ZNF148: variants seen among roughly 807,000 people sequenced by gnomAD.
ZNF148 encodes Beta-Enolase Repressor Factor-1.
In ZNF148, 7 loss-of-function variants were observed where a neutral mutation model predicts 67.7. The ratio of observed to expected loss-of-function variants is 0.10; its 90% CI spans 0.06 to 0.19. ZNF148 has a LOEUF of 0.19. Among genes scored for constraint, ZNF148 ranks in the 10% least tolerant of loss-of-function variants. The pLI, the probability that ZNF148 is intolerant of heterozygous loss-of-function variation, is 1.00. For synonymous variants in ZNF148, 333 were observed against 330.7 expected, an observed-to-expected ratio of 1.01 and a Z score of -0.08; for missense variants, 583 against 947.1, an observed-to-expected ratio of 0.62 and a Z score of 5.05.
chr3:125,244,926 A>T (rs757605857), intron 7 of ZNF148, among the ~76,000 whole-genome samples: 15 of 152,086 alleles, frequency 9.9e-5, no homozygotes, highest in Non-Finnish European at 1.8e-4. Context: ...GCTCCTTCTC[A>T]GTGGTCTTTC....
At chr3:125,358,782 T>C (rs529726801) in intron 1 of ZNF148, among the ~76,000 whole-genome samples, 1 of 152,312 alleles carries the variant, frequency 6.6e-6, no homozygotes, top group South Asian at 2.1e-4. Context: ...AGTACACATA[T>C]ACAGGGGCCT....
At chr3:125,260,257 T>C (rs1400492786) in intron 7 of ZNF148, among the ~76,000 whole-genome samples, 1 of 151,894 alleles carries the variant, frequency 6.6e-6, no homozygotes, top group Non-Finnish European at 1.5e-5. Context: ...GCTGGAAACA[T>C]GATGCTGACA....
At chr3:125,236,004 A>G (rs1326116681) in intron 7 of ZNF148, among the ~76,000 whole-genome samples, 2 of 151,250 alleles carry the variant, frequency 1.3e-5, no homozygotes, top group East Asian at 1.9e-4. Flanking sequence ...AATGTAAATG[A>G]CGAGTTAATG....
chr3:125,352,944 C>G (rs1230510957), intron 1 of ZNF148, among the ~76,000 whole-genome samples: 6 of 152,018 alleles, frequency 3.9e-5, no homozygotes, highest in African/African-American at 1.4e-4. Flanking sequence ...ATACAGAACC[C>G]CAAAACAGAC....
intron 3 of ZNF148, among the ~76,000 whole-genome samples, chr3:125,318,592 C>T (rs114474857): frequency 6.6e-6 from 1 of 152,174 alleles, no homozygotes; most frequent in Non-Finnish European, 1.5e-5. Context: ...ATAAGCCACT[C>T]TGAGCTCCCT....
intron 1 of ZNF148, among the ~76,000 whole-genome samples, chr3:125,363,643 C>G (rs1439286833): frequency 3.3e-5 from 5 of 151,948 alleles, no homozygotes; most frequent in East Asian, 1.9e-4. Context: ...AACTTATACC[C>G]TCAATACTTC....
At chr3:125,311,365 C>T (rs929836115) in intron 4 of ZNF148, 43 of 152,562 alleles carry the variant, frequency 2.8e-4, no homozygotes, top group Non-Finnish European at 4.1e-4. Flanking sequence ...AAAATTTATG[C>T]TAAGAATAGA....
intron 1 of ZNF148, among the ~76,000 whole-genome samples, chr3:125,338,396 A>T (rs1941581639): frequency 6.6e-6 from 1 of 152,180 alleles, no homozygotes; most frequent in African/African-American, 2.4e-5. Context: ...GGAACCCTAG[A>T]AAAGAATATA....
At chr3:125,362,601 C>T (rs547284309) in intron 1 of ZNF148, among the ~76,000 whole-genome samples, 1 of 151,212 alleles carries the variant, frequency 6.6e-6, no homozygotes, top group African/African-American at 2.4e-5. Context: ...GTCACCCAGG[C>T]TGGAGTGCAG....
At chr3:125,287,765 A>G (rs190383117) in intron 5 of ZNF148, among the ~76,000 whole-genome samples, 3 of 152,344 alleles carry the variant, frequency 2.0e-5, no homozygotes, top group Admixed American at 1.3e-4. Flanking sequence ...CAGGGATCCT[A>G]TATCTTTTCC....
chr3:125,259,396 C>T (rs1215026209), intron 7 of ZNF148, among the ~76,000 whole-genome samples: 3 of 152,148 alleles, frequency 2.0e-5, no homozygotes, highest in Admixed American at 6.5e-5. Context: ...TCATAAGATA[C>T]TGTGGAGATG....
chr3:125,246,023 A>G (rs552608906), intron 7 of ZNF148, among the ~76,000 whole-genome samples: 1 of 152,124 alleles, frequency 6.6e-6, no homozygotes, highest in African/African-American at 2.4e-5. Flanking sequence ...TTCCTAAACT[A>G]CCATGCTTTT....
intron 1 of ZNF148, among the ~76,000 whole-genome samples, chr3:125,372,086 T>C (rs1247190653): frequency 1.3e-5 from 2 of 149,472 alleles, no homozygotes; most frequent in Non-Finnish European, 3.0e-5. Context: ...AAAAAAATAC[T>C]GCAATCTGGT....
rs868269273 is a variant in ZNF148 at position 125,227,882 on chromosome 3, G to A, written c.*4459C>T. The A allele has an allele frequency of 5.4e-4, 82 of 152,562 alleles. No homozygotes were observed. Among genetic ancestry groups the A allele is most frequent in the African/African-American group, 1.1e-3 (46 of 41,524 alleles). 9.5% of individuals were successfully genotyped at this position (152,562 alleles called of 1,614,324 possible). Reference sequence around the variant, plus strand: ...AGGTCATATACATTTATAAATTGGCGGTTTTATTTCTAAAGCAGTGATGTG... The same window carrying A: ...AGGTCATATACATTTATAAATTGGCAGTTTTATTTCTAAAGCAGTGATGTG... On this transcript the variant is annotated 3_prime_UTR_variant, in exon 9 of 9. Transcript: ENST00000360647.
At chr3:125,316,585 T>C (rs1161194080) in intron 3 of ZNF148, among the ~76,000 whole-genome samples, 1 of 152,216 alleles carries the variant, frequency 6.6e-6, no homozygotes, top group Non-Finnish European at 1.5e-5. Context: ...ATCTCCATTT[T>C]TCTGATGATC....
chr3:125,240,521 C>T (rs11915021), intron 7 of ZNF148, among the ~76,000 whole-genome samples: 118,173 of 152,150 alleles, frequency 0.78, 46,499 homozygotes, highest in African/African-American at 0.87. Context: ...CCCAGCACTT[C>T]GAGAGGTTCA....
At chr3:125,326,755 CATAT>C (rs1217691629) in intron 2 of ZNF148, among the ~76,000 whole-genome samples, 3 of 143,676 alleles carry the variant, frequency 2.1e-5, no homozygotes, top group East Asian at 4.0e-4. Context: ...TGTATATATA[CATAT>C]AAAGATATAT....
In ZNF148 at chr3:125,300,349, C is replaced by A. The variant is rs774510044; in HGVS notation, c.334-12121G>T. Among the ~76,000 whole-genome samples the A allele has an allele frequency of 2.5e-4, 38 of 152,212 alleles. 1 individual carries two copies. Among genetic ancestry groups the A allele is most frequent in the South Asian group, 6.2e-4 (3 of 4,818 alleles). On this transcript the variant is annotated intron_variant, in intron 4 of 8. Transcript: ENST00000360647. ...ATGCAATCACTTCAAAAGGTAAGGA[C>A]CCAACAGCCAGTGCAAAAACCAAAA...
At chr3:125,248,311 T>C (rs756096190) in intron 7 of ZNF148, among the ~76,000 whole-genome samples, 1 of 152,228 alleles carries the variant, frequency 6.6e-6, no homozygotes, top group Non-Finnish European at 1.5e-5. Context: ...GAACTTGATA[T>C]AAGCCCCCCA....
Sources: allele counts gnomAD v4.1 joint callset (sites outside exome capture counted in the v4.1 genomes callset), GRCh38; gene constraint gnomAD v4.1.1; transcripts MANE v1.5; gene names NCBI Gene and HGNC (gene_info 2026-07-23, HGNC 2026-07-21).